IPO11: variants seen among roughly 807,000 people sequenced by gnomAD.
IPO11 encodes the protein importin-11.
In IPO11, 66 loss-of-function variants were observed where a neutral mutation model predicts 143.2. The observed-to-expected ratio is 0.46, with a 90% CI of 0.38 to 0.57. IPO11 has a LOEUF of 0.57. Among genes scored for constraint, IPO11 ranks in the 20% least tolerant of loss-of-function variants. The pLI, the probability that IPO11 is intolerant of heterozygous loss-of-function variation, is 0.00. For missense variants in IPO11, 1,026 were observed against 1,141.0 expected, an observed-to-expected ratio of 0.90 and a Z score of 1.45; for synonymous variants, 385 against 377.8, an observed-to-expected ratio of 1.02 and a Z score of -0.22.
In IPO11 at chr5:62,442,894, A is replaced by G. The variant is rs182041105; in HGVS notation, c.139-89A>G. On this transcript the variant is annotated intron_variant, in intron 2 of 29. Coordinates refer to ENST00000325324, the MANE Select transcript of IPO11 (RefSeq NM_016338.5). ...AAAACAAAACAAAACAAAACAAAAC[A>G]AAGATCTGTCCATACTTTATTGTGG... 2.8e-5 allele frequency: 21 copies of G among 740,892 alleles called. No individual in the cohort carries two copies. In the East Asian group the frequency reaches 6.5e-4, roughly 23 times the overall value. 45.9% of individuals were successfully genotyped at this position (740,892 alleles called of 1,614,324 possible).
chr5:62,583,470 A>G (rs1744644986), intron 27 of IPO11, among the ~76,000 whole-genome samples: 1 of 152,222 alleles, frequency 6.6e-6, no homozygotes, highest in Non-Finnish European at 1.5e-5. Flanking sequence ...TTTTGAAAGT[A>G]TAGCTTCTAA....
At chr5:62,530,881 A>AT in intron 22 of IPO11, 96 bp downstream of exon 22, 6 of 892,280 alleles carry the variant, frequency 6.7e-6, no homozygotes, top group Non-Finnish European at 1.1e-5. Flanking sequence ...CAAAGTTGTA[A>AT]GTTCAACTTC....
intron 8 of IPO11, 146 bp from the exon 9 acceptor site, chr5:62,476,537 T>C: frequency 2.4e-6 from 2 of 822,366 alleles, no homozygotes; most frequent in South Asian, 4.1e-5. Flanking sequence ...TTACTCAGTG[T>C]AAATCTTGGT....
chr5:62,551,776 T>C (rs571370861), intron 26 of IPO11, among the ~76,000 whole-genome samples: 1 of 152,296 alleles, frequency 6.6e-6, no homozygotes, highest in East Asian at 1.9e-4. Context: ...TTAAAAATTG[T>C]AGTTGATATC....
intron 8 of IPO11, among the ~76,000 whole-genome samples, chr5:62,475,358 A>G (rs1745920307): frequency 6.6e-6 from 1 of 152,096 alleles, no homozygotes; most frequent in Admixed American, 6.5e-5. Context: ...CTGTCTCTAC[A>G]AAAAATATTA....
intron 2 of IPO11, among the ~76,000 whole-genome samples, chr5:62,442,134 G>A (rs1255023797): frequency 6.6e-6 from 1 of 152,096 alleles, no homozygotes; most frequent in Non-Finnish European, 1.5e-5. Flanking sequence ...GTGAGCTACC[G>A]CGCCCAGCTT....
At chr5:62,451,998 C>T in intron 5 of IPO11, 65 bp downstream of exon 5, 2 of 1,297,044 alleles carry the variant, frequency 1.5e-6, no homozygotes, top group Non-Finnish European at 2.2e-6. Context: ...GTGGCTTATG[C>T]CTGTAATCTC....
intron 1 of IPO11, among the ~76,000 whole-genome samples, chr5:62,417,257 T>C (rs2112089177): frequency 6.6e-6 from 1 of 151,834 alleles, no homozygotes; most frequent in Middle Eastern, 3.4e-3. Context: ...CATGCCCAGC[T>C]TATTTCCTTT....
At chr5:62,618,921 TTTAA>T (rs1182538092) in intron 29 of IPO11, among the ~76,000 whole-genome samples, 1 of 152,070 alleles carries the variant, frequency 6.6e-6, no homozygotes, top group Non-Finnish European at 1.5e-5. Context: ...TTTTATGTAG[TTTAA>T]TTCATTTAAT....
At chr5:62,445,850 T>C (rs1744701920) in intron 3 of IPO11, among the ~76,000 whole-genome samples, 1 of 152,180 alleles carries the variant, frequency 6.6e-6, no homozygotes, top group African/African-American at 2.4e-5. Flanking sequence ...GTCAGTATCA[T>C]CTGTATTTTT....
At chr5:62,413,636 A>C (rs1185807885) in intron 1 of IPO11, among the ~76,000 whole-genome samples, 1 of 152,232 alleles carries the variant, frequency 6.6e-6, no homozygotes, top group Non-Finnish European at 1.5e-5. Context: ...ATTACCTACT[A>C]GTGCCAAGGT....
chr5:62,441,014 A>G (rs1312808346), intron 2 of IPO11, among the ~76,000 whole-genome samples: 2 of 152,080 alleles, frequency 1.3e-5, no homozygotes, highest in Non-Finnish European at 2.9e-5. Flanking sequence ...ATACTTCCAC[A>G]TCATTTTTGG....
Position 62,627,458 on chromosome 5 carries a change from G to A in IPO11, c.*140G>A. ...GACCACACATTTTTTACTACAAAAT[G>A]TAAAGGATAAATGTAAATCCTGCAT... On this transcript the variant is annotated 3_prime_UTR_variant, in exon 30 of 30. Coordinates refer to ENST00000325324, the MANE Select transcript of IPO11 (RefSeq NM_016338.5). 2 of 749,792 alleles carry A rather than the reference G, an allele frequency of 2.7e-6. No individual in the cohort carries two copies. 46.4% of individuals were successfully genotyped at this position (749,792 alleles called of 1,614,324 possible). A position where few individuals can be genotyped will look rare whatever the true frequency, so the allele number is the denominator to read the frequency against.
chr5:62,517,208 A>G (rs1742053991), intron 20 of IPO11, among the ~76,000 whole-genome samples: 1 of 152,050 alleles, frequency 6.6e-6, no homozygotes, highest in African/African-American at 2.4e-5. Context: ...AAAAAAAAGA[A>G]AAAAAAATAA....
intron 29 of IPO11, among the ~76,000 whole-genome samples, chr5:62,602,723 A>G (rs1745552077): frequency 6.6e-6 from 1 of 152,128 alleles, no homozygotes; most frequent in Non-Finnish European, 1.5e-5. Context: ...CCTTCTTTTA[A>G]ACTGTTTGAA....
chr5:62,600,463 A>C (rs776157785), intron 28 of IPO11, among the ~76,000 whole-genome samples: 5 of 152,258 alleles, frequency 3.3e-5, no homozygotes, highest in Non-Finnish European at 5.9e-5. Context: ...GCATGCTTTC[A>C]TGCAGATCCA....
chr5:62,625,456 T>C (rs567886222), intron 29 of IPO11, among the ~76,000 whole-genome samples: 2 of 152,334 alleles, frequency 1.3e-5, no homozygotes, highest in South Asian at 4.1e-4. Context: ...ATCTGGCTAT[T>C]AACACTTCAT....
intron 21 of IPO11, 143 bp downstream of exon 21, chr5:62,526,400 CT>C (rs1475978263): frequency 1.9e-5 from 11 of 581,664 alleles, no homozygotes; most frequent in Non-Finnish European, 2.7e-5. Flanking sequence ...CATATATCTC[CT>C]TTTTTTGGCA....
intron 7 of IPO11, 69 bp downstream of exon 7, chr5:62,470,377 T>C: frequency 7.5e-7 from 1 of 1,326,430 alleles, no homozygotes; most frequent in Non-Finnish European, 1.1e-6. Flanking sequence ...GAAAGAGTGC[T>C]CTTTTTATTT....
Sources: allele counts gnomAD v4.1 joint callset (sites outside exome capture counted in the v4.1 genomes callset), GRCh38; gene constraint gnomAD v4.1.1; transcripts MANE v1.5; gene names NCBI Gene and HGNC (gene_info 2026-07-23, HGNC 2026-07-21).